ARHGAP26: variants seen among roughly 807,000 people sequenced by gnomAD.
ARHGAP26 encodes the protein Rho GTPase activating protein 26.
ARHGAP26 carries 38 observed loss-of-function variants against 104.8 expected under a neutral mutation model. That is an observed-to-expected ratio of 0.36 (90% confidence interval 0.28 to 0.48). The LOEUF (loss-of-function observed/expected upper bound fraction) is 0.48, where lower values mean the gene tolerates loss of function less well. ARHGAP26 is among the 20% of genes least tolerant of loss of function. The probability of loss-of-function intolerance (pLI) is 0.99; values close to 1 mark genes in which losing one functional copy is unlikely to be tolerated. For missense variants in ARHGAP26, 704 were observed against 947.9 expected (o/e 0.74, Z 3.38); for synonymous variants, 341 against 340.0 (o/e 1.00, Z -0.03).
intron 14 of ARHGAP26, among the ~76,000 whole-genome samples, chr5:143,050,062 C>T (rs1461354310): frequency 6.6e-6 from 1 of 152,190 alleles, no homozygotes; most frequent in Non-Finnish European, 1.5e-5. Context: ...TGGGGGGTTG[C>T]AGCATGGCCT....
At chr5:142,779,205 A>G (rs1756981765) in intron 1 of ARHGAP26, among the ~76,000 whole-genome samples, 1 of 152,218 alleles carries the variant, frequency 6.6e-6, no homozygotes, top group Non-Finnish European at 1.5e-5. Flanking sequence ...TTTACAAATT[A>G]TAGTGACTGG....
At chr5:143,103,295 C>T (rs1793522234) in intron 17 of ARHGAP26, 1 of 947,186 alleles carries the variant, frequency 1.1e-6, no homozygotes, top group Admixed American at 6.2e-5. Flanking sequence ...CAGGAAACAA[C>T]AGATGCTGGA....
At chr5:143,085,364 G>T (rs1415742551) in intron 17 of ARHGAP26, among the ~76,000 whole-genome samples, 3 of 152,104 alleles carry the variant, frequency 2.0e-5, no homozygotes, top group African/African-American at 7.2e-5. Flanking sequence ...CTAATTTGGG[G>T]ATAGGGGAGG....
At chr5:143,054,028 T>A in intron 14 of ARHGAP26, among the ~76,000 whole-genome samples, 1 of 152,258 alleles carries the variant, frequency 6.6e-6, no homozygotes, top group East Asian at 1.9e-4. Flanking sequence ...TTGTTGTTTT[T>A]TCTGCTTTTG....
intron 19 of ARHGAP26, among the ~76,000 whole-genome samples, chr5:143,142,432 GC>G (rs1798668310): frequency 1.3e-5 from 2 of 151,800 alleles, no homozygotes; most frequent in African/African-American, 2.4e-5. Context: ...GAGCCACTGC[GC>G]CCGGCCTACT....
At chr5:143,075,458 C>T (rs1012389417) in intron 17 of ARHGAP26, among the ~76,000 whole-genome samples, 1 of 151,968 alleles carries the variant, frequency 6.6e-6, no homozygotes, top group Non-Finnish European at 1.5e-5. Flanking sequence ...TTTCTCAGAA[C>T]ATTTAACAAA....
At chr5:142,902,498 T>G (rs1006892035) in intron 7 of ARHGAP26, among the ~76,000 whole-genome samples, 3 of 152,308 alleles carry the variant, frequency 2.0e-5, no homozygotes. Flanking sequence ...TGGCAGGAAA[T>G]CCAAGTCCGT....
At chr5:143,135,935 C>G (rs1197620612) in intron 19 of ARHGAP26, among the ~76,000 whole-genome samples, 1 of 152,188 alleles carries the variant, frequency 6.6e-6, no homozygotes, top group Non-Finnish European at 1.5e-5. Context: ...CCAGGGAACA[C>G]TTGGAACAGA....
chr5:142,949,164 CCAGAGAGAGAGAGAGAGAGA>C (rs1562135127), intron 11 of ARHGAP26, among the ~76,000 whole-genome samples: 2 of 40,622 alleles, frequency 4.9e-5, no homozygotes, highest in South Asian at 1.1e-3. Context: ...AGTTGAATTT[CCAGAGAGAGAGAGAGAGAGA>C]GAGAGAGAGA....
intron 20 of ARHGAP26, among the ~76,000 whole-genome samples, chr5:143,149,457 A>G (rs1799555692): frequency 6.6e-6 from 1 of 152,162 alleles, no homozygotes; most frequent in Non-Finnish European, 1.5e-5. Flanking sequence ...GCAGGCTCGC[A>G]GCCACTTCTC....
At chr5:143,012,267 G>T (rs1226741412) in intron 11 of ARHGAP26, among the ~76,000 whole-genome samples, 1 of 151,398 alleles carries the variant, frequency 6.6e-6, no homozygotes, top group Non-Finnish European at 1.5e-5. Context: ...TATATTTAGA[G>T]CTTGATAATT....
At chr5:142,847,881 G>T (rs1188612673) in intron 1 of ARHGAP26, among the ~76,000 whole-genome samples, 1 of 152,238 alleles carries the variant, frequency 6.6e-6, no homozygotes, top group African/African-American at 2.4e-5. Context: ...GAACATCAGG[G>T]AAGATACTCA....
chr5:142,951,462 C>T (rs748770494), intron 11 of ARHGAP26, among the ~76,000 whole-genome samples: 1 of 152,116 alleles, frequency 6.6e-6, no homozygotes, highest in Non-Finnish European at 1.5e-5. Flanking sequence ...TTATTTAGGC[C>T]CTGGTGCCTC....
At chr5:142,998,130 T>G (rs889275382) in intron 11 of ARHGAP26, among the ~76,000 whole-genome samples, 5 of 152,238 alleles carry the variant, frequency 3.3e-5, no homozygotes, top group Non-Finnish European at 2.9e-5. Context: ...ATGTAACTCC[T>G]GCAAATAACA....
chr5:143,098,493 A>G (rs1351298153), intron 17 of ARHGAP26, among the ~76,000 whole-genome samples: 1 of 152,214 alleles, frequency 6.6e-6, no homozygotes, highest in Non-Finnish European at 1.5e-5. Context: ...CAACAGATTG[A>G]TCAATCTACC....
In ARHGAP26 at chr5:142,932,031, C is replaced by G. The variant is rs773898221; in HGVS notation, c.1029-16C>G. ...GTGGCACTGGTTTCATATCCATGTC[C>G]CTCCTTTCTCTGCAGGCCAGGGGTT... On this transcript the variant is annotated splice_polypyrimidine_tract_variant and intron_variant, in intron 10 of 22. Transcript: ENST00000645722. 158 of 1,613,128 alleles carry G rather than the reference C, an allele frequency of 9.8e-5. No homozygotes were observed. Among genetic ancestry groups the G allele is most frequent in the Non-Finnish European group, 1.3e-4 (149 of 1,179,190 alleles).
chr5:142,830,094 G>A (rs1267336867), intron 1 of ARHGAP26, among the ~76,000 whole-genome samples: 1 of 152,168 alleles, frequency 6.6e-6, no homozygotes, highest in African/African-American at 2.4e-5. Flanking sequence ...CATTTCCCTA[G>A]AATGTTGGCC....
intron 1 of ARHGAP26, among the ~76,000 whole-genome samples, chr5:142,822,080 G>T (rs1175930765): frequency 2.0e-5 from 3 of 152,220 alleles, no homozygotes; most frequent in African/African-American, 7.2e-5. Flanking sequence ...TTAAGGAAAT[G>T]ATTGCACTGG....
At chr5:142,869,440 C>G (rs1009910613) in intron 1 of ARHGAP26, among the ~76,000 whole-genome samples, 1 of 151,798 alleles carries the variant, frequency 6.6e-6, no homozygotes, top group African/African-American at 2.4e-5. Context: ...AGACTGGTCT[C>G]GAACTCCTGA....
Sources: allele counts gnomAD v4.1 joint callset (sites outside exome capture counted in the v4.1 genomes callset), GRCh38; gene constraint gnomAD v4.1.1; transcripts MANE v1.5; gene names NCBI Gene and HGNC (gene_info 2026-07-23, HGNC 2026-07-21).